The following AIRIM variants were observed in gnomAD, a reference collection of about 807,000 sequenced individuals.
The protein encoded by AIRIM is AFG2-interacting ribosome maturation factor.
chr1:37,688,930 C>T, the AIRIM span, among the ~76,000 whole-genome samples: 4 of 146,700 alleles, frequency 2.7e-5, no homozygotes, highest in Non-Finnish European at 5.9e-5. Context: ...TGTGCCACTG[C>T]ACTCCAGCCT....
At chr1:37,685,867 T>C in the AIRIM span, among the ~76,000 whole-genome samples, 31 of 152,024 alleles carry the variant, frequency 2.0e-4, no homozygotes, top group Admixed American at 1.9e-3. Flanking sequence ...CCTAGTAACT[T>C]TCTCTCCCCA....
chr1:37,690,026 G>GT, the AIRIM span: 2,075 of 1,328,512 alleles, frequency 1.6e-3, no homozygotes, highest in Middle Eastern at 3.7e-3. Context: ...TTTTTTTTTT[G>GT]TTTTTTTTTC....
At chr1:37,686,436 C>T in the AIRIM span, 1 of 1,613,376 alleles carries the variant, frequency 6.2e-7, no homozygotes, top group Non-Finnish European at 8.5e-7. Context: ...ATGTCTCGCA[C>T]CTTGAGGAGG....
At chr1:37,692,011 C>T in the AIRIM span, 1 of 154,110 alleles carries the variant, frequency 6.5e-6, no homozygotes, top group Middle Eastern at 3.1e-3. Context: ...TGCTCTGTCT[C>T]TGCCGACCCG....
the AIRIM span, chr1:37,690,326 A>C: frequency 7.7e-7 from 1 of 1,290,480 alleles, no homozygotes; most frequent in African/African-American, 1.5e-5. Flanking sequence ...CCCCTCGGGA[A>C]GGGTAACCTG....
chr1:37,686,472 A>G, the AIRIM span: 1 of 1,606,718 alleles, frequency 6.2e-7, no homozygotes, highest in South Asian at 1.1e-5. Context: ...AGAGTCTGAC[A>G]TTAGGCAATA....
chr1:37,690,798 G>GT, the AIRIM span, among the ~76,000 whole-genome samples: 1 of 152,180 alleles, frequency 6.6e-6, no homozygotes, highest in South Asian at 2.1e-4. Context: ...TGCGCCTCCG[G>GT]TTGTGCCTTA....
At chr1:37,687,127 G>GT in the AIRIM span, among the ~76,000 whole-genome samples, 1 of 147,606 alleles carries the variant, frequency 6.8e-6, no homozygotes, top group South Asian at 2.2e-4. Flanking sequence ...TTTTGTTTTT[G>GT]TTTTTTGTTT....
chr1:37,691,298 C>G, the AIRIM span: 1 of 152,408 alleles, frequency 6.6e-6, no homozygotes, highest in Non-Finnish European at 1.5e-5. Flanking sequence ...TGCTTGGCAC[C>G]TTTGCTTATT....
At chr1:37,687,059 AGTGTGT>A in the AIRIM span, among the ~76,000 whole-genome samples, 20,919 of 140,526 alleles carry the variant, frequency 0.15, 1,729 homozygotes, top group East Asian at 0.33. Context: ...CCGTCTCAAA[AGTGTGT>A]GTGTGTGTGT....
the AIRIM span, chr1:37,683,259 G>C: frequency 6.2e-7 from 1 of 1,612,378 alleles, no homozygotes; most frequent in Non-Finnish European, 8.5e-7. Context: ...CTTCCAAAGA[G>C]GCGAGCCACA....
At chr1:37,681,624 G>A in the AIRIM span, 1 of 151,962 alleles carries the variant, frequency 6.6e-6, no homozygotes, top group Non-Finnish European at 1.5e-5. Flanking sequence ...TTAATTCCTG[G>A]AAAAATAAAT....
At chr1:37,685,544 T>G in the AIRIM span, among the ~76,000 whole-genome samples, 2 of 151,950 alleles carry the variant, frequency 1.3e-5, no homozygotes, top group East Asian at 3.9e-4. Flanking sequence ...CATACCACCA[T>G]GCCTGGCTAA....
the AIRIM span, chr1:37,689,490 C>A: frequency 1.1e-3 from 1,335 of 1,246,572 alleles, 12 homozygotes; most frequent in African/African-American, 0.018. Flanking sequence ...GGTTGAGATA[C>A]CTCCACATGC....
At chr1:37,685,077 C>T in the AIRIM span, among the ~76,000 whole-genome samples, 1 of 151,888 alleles carries the variant, frequency 6.6e-6, no homozygotes, top group Non-Finnish European at 1.5e-5. Context: ...CCCCCACTAC[C>T]CCAAATCTTA....
the AIRIM span, chr1:37,683,549 C>T: frequency 7.8e-7 from 1 of 1,286,362 alleles, no homozygotes; most frequent in Non-Finnish European, 1.1e-6. Flanking sequence ...GATATCCTTA[C>T]ATTTTACCAG....
chr1:37,689,725 T>C, the AIRIM span: 4 of 1,613,920 alleles, frequency 2.5e-6, no homozygotes, highest in Non-Finnish European at 3.4e-6. Flanking sequence ...GCAGGTTCTG[T>C]GCGGCCTGCA....
At chr1:37,689,990 G>A in the AIRIM span, 1 of 1,444,602 alleles carries the variant, frequency 6.9e-7, no homozygotes, top group Non-Finnish European at 9.1e-7. Context: ...GTTCAGACAG[G>A]AGTTGTCTCA....
the AIRIM span, chr1:37,689,807 T>C: frequency 6.2e-7 from 1 of 1,610,792 alleles, no homozygotes; most frequent in Non-Finnish European, 8.5e-7. Context: ...CCACAGGCCC[T>C]GCTGCTCCTC....
Sources: allele counts gnomAD v4.1 joint callset (sites outside exome capture counted in the v4.1 genomes callset), GRCh38; gene constraint gnomAD v4.1.1; transcripts MANE v1.5; gene names NCBI Gene and HGNC (gene_info 2026-07-23, HGNC 2026-07-21).